The following SLC14A2 variants were observed in gnomAD, a reference collection of about 807,000 sequenced individuals.
SLC14A2 encodes solute carrier family 14 member 2, also known as urea transporter 2.
SLC14A2 carries 91 observed loss-of-function variants against 104.6 expected under a neutral mutation model. The ratio of observed to expected loss-of-function variants is 0.87; its 90% CI spans 0.73 to 1.04. SLC14A2 has a LOEUF of 1.04. Among genes scored for constraint, SLC14A2 ranks in the 50% least tolerant of loss-of-function variants. The probability of loss-of-function intolerance (pLI) is 0.00; values close to 1 mark genes in which losing one functional copy is unlikely to be tolerated. For synonymous variants in SLC14A2, 476 were observed against 466.4 expected (o/e 1.02, Z -0.27); for missense variants, 1,189 against 1,156.0 (o/e 1.03, Z -0.41).
rs542191002 is a variant in SLC14A2, at chr18:45,267,342, C to T, written c.-125+54151C>T. Among the ~76,000 whole-genome samples, 4 of 152,164 alleles carry T rather than the reference C, an allele frequency of 2.6e-5. No homozygotes were observed. In the South Asian group the frequency reaches 8.3e-4, roughly 32 times the overall value. On this transcript the variant is annotated intron_variant, in intron 1 of 20. Transcript: ENST00000586448. ...TCTGCGGCCTCATTTGATAACTCCA[C>T]AACATTTTCTGAGCTCCCACCCTTC...
the SLC14A2 span, among the ~76,000 whole-genome samples, chr18:45,197,101 C>G: frequency 1.2e-3 from 182 of 152,336 alleles, no homozygotes; most frequent in African/African-American, 4.1e-3. Flanking sequence ...ATGTGCCACA[C>G]ACATTTATCT....
At chr18:45,302,596 A>G (rs957321535) in intron 1 of SLC14A2, among the ~76,000 whole-genome samples, 5 of 152,258 alleles carry the variant, frequency 3.3e-5, no homozygotes, top group African/African-American at 1.2e-4. Context: ...TTTCTTCTTT[A>G]GTCATCTATT....
chr18:45,211,137 G>C (rs139206528), upstream of SLC14A2, among the ~76,000 whole-genome samples: 3 of 152,258 alleles, frequency 2.0e-5, no homozygotes, highest in South Asian at 6.2e-4. Flanking sequence ...TTTCTAGAAG[G>C]AGCTATTGTG....
chr18:45,654,646 C>T (rs572313225), intron 10 of SLC14A2, among the ~76,000 whole-genome samples: 2 of 152,268 alleles, frequency 1.3e-5, no homozygotes, highest in South Asian at 2.1e-4. Context: ...TTGGAAGCTT[C>T]GAGCTGGGTA....
chr18:45,495,551 C>A (rs2043080486), intron 2 of SLC14A2, among the ~76,000 whole-genome samples: 1 of 152,172 alleles, frequency 6.6e-6, no homozygotes, highest in South Asian at 2.1e-4. Flanking sequence ...AAATCCAAGA[C>A]TGAGTCTTGC....
intron 5 of SLC14A2, 40 bp from the exon 6 acceptor site, chr18:45,636,950 G>A (rs894271445): frequency 2.0e-6 from 3 of 1,530,108 alleles, no homozygotes; most frequent in Non-Finnish European, 2.7e-6. Context: ...TAGACCTCAG[G>A]ATGTCACAGG....
chr18:45,469,411 T>G (rs1248037299), intron 1 of SLC14A2, among the ~76,000 whole-genome samples: 1 of 152,090 alleles, frequency 6.6e-6, no homozygotes, highest in Non-Finnish European at 1.5e-5. Flanking sequence ...GAGAGGGTGA[T>G]GCTTCCACAA....
chr18:45,480,598 A>T (rs566813268), intron 1 of SLC14A2, among the ~76,000 whole-genome samples: 2 of 152,272 alleles, frequency 1.3e-5, no homozygotes, highest in South Asian at 4.2e-4. Context: ...CTTTCTTCCA[A>T]ACAAGCACAC....
chr18:45,431,594 G>A (rs979438440), intron 1 of SLC14A2, among the ~76,000 whole-genome samples: 3 of 152,156 alleles, frequency 2.0e-5, no homozygotes, highest in Non-Finnish European at 4.4e-5. Context: ...ACTGGGCAGG[G>A]GGACACAGAA....
chr18:45,408,969 G>T (rs756520314), intron 1 of SLC14A2, among the ~76,000 whole-genome samples: 1 of 152,186 alleles, frequency 6.6e-6, no homozygotes, highest in Non-Finnish European at 1.5e-5. Context: ...AATGCTCTGA[G>T]CCTGTGAACT....
At chr18:45,592,803 C>T (rs2044667365) in intron 2 of SLC14A2, among the ~76,000 whole-genome samples, 1 of 152,238 alleles carries the variant, frequency 6.6e-6, no homozygotes. Context: ...CAAATCCTTG[C>T]TCTCCCATGT....
chr18:45,375,474 T>G (rs2085763914), intron 1 of SLC14A2, among the ~76,000 whole-genome samples: 1 of 152,092 alleles, frequency 6.6e-6, no homozygotes, highest in Non-Finnish European at 1.5e-5. Context: ...TGAGTTCATC[T>G]CCTACCCAAC....
intron 1 of SLC14A2, among the ~76,000 whole-genome samples, chr18:45,453,847 GTTTTTTTTTTTTT>G (rs56084837): frequency 5.5e-5 from 5 of 91,338 alleles, no homozygotes; most frequent in African/African-American, 1.7e-4. Context: ...TTTCTTTTCT[GTTTTTTTTTTTTT>G]TTTTTTTTTT....
Position 45,682,619 on chromosome 18 carries a change from G to A in SLC14A2, c.*100G>A. 1.1e-6 allele frequency: 1 copy of A among 937,974 alleles called. No individual in the cohort carries two copies. Among genetic ancestry groups the A allele is most frequent in the Admixed American group, 1.8e-5 (1 of 54,218 alleles). The allele number at this position is 937,974 out of a possible 1,614,324, so 58.1% of individuals were successfully genotyped here. On this transcript the variant is annotated 3_prime_UTR_variant, in exon 20 of 20. Coordinates refer to ENST00000255226, the MANE Select transcript of SLC14A2 (RefSeq NM_007163.4). ...CTTAGCCTTCCCTTTGGTCTGTTCT[G>A]TGACTCTCTCCCCAAACACAAAGAA... is the stretch of plus-strand genomic sequence containing the variant.
chr18:45,501,243 G>A (rs1270146554), intron 2 of SLC14A2, among the ~76,000 whole-genome samples: 1 of 152,120 alleles, frequency 6.6e-6, no homozygotes, highest in African/African-American at 2.4e-5. Flanking sequence ...CCAAAGGTGA[G>A]GATAGCCAGG....
chr18:45,205,488 C>T, the SLC14A2 span, among the ~76,000 whole-genome samples: 503 of 152,100 alleles, frequency 3.3e-3, 4 homozygotes, highest in African/African-American at 0.011. Context: ...TTTGTTGAAG[C>T]GAGCCGTATA....
chr18:45,528,183 G>T (rs1270347841), intron 2 of SLC14A2: 1 of 8,732 alleles, frequency 1.1e-4, no homozygotes, highest in East Asian at 5.4e-3. Flanking sequence ...GTGTGTGTGC[G>T]GGGGGGGGGG....
chr18:45,212,214 G>A (rs2083967537), upstream of SLC14A2, among the ~76,000 whole-genome samples: 1 of 152,132 alleles, frequency 6.6e-6, no homozygotes, highest in South Asian at 2.1e-4. Flanking sequence ...TTCGTATAGT[G>A]CACATGTGAG....
chr18:45,370,198 A>G (rs1203215671), intron 1 of SLC14A2, among the ~76,000 whole-genome samples: 2 of 152,200 alleles, frequency 1.3e-5, no homozygotes, highest in East Asian at 1.9e-4. Context: ...AAGGAGTATA[A>G]AGGCTGAACA....
Sources: allele counts gnomAD v4.1 joint callset (sites outside exome capture counted in the v4.1 genomes callset), GRCh38; gene constraint gnomAD v4.1.1; transcripts MANE v1.5; gene names NCBI Gene and HGNC (gene_info 2026-07-23, HGNC 2026-07-21).